RBPJ: variants seen among roughly 807,000 people sequenced by gnomAD.
The protein encoded by RBPJ is recombination signal binding protein for immunoglobulin kappa J region.
A neutral mutation model predicts 67.8 loss-of-function variants in RBPJ; 9 were observed. That is an observed-to-expected ratio of 0.13 (90% CI 0.08 to 0.23). RBPJ has a LOEUF of 0.23. Ranked by LOEUF, RBPJ falls within the 10% of genes least tolerant of loss-of-function variation. The pLI is 1.00. For synonymous variants in RBPJ, 198 were observed against 203.3 expected, an observed-to-expected ratio of 0.97 and a Z score of 0.22; for missense variants, 305 against 595.6, an observed-to-expected ratio of 0.51 and a Z score of 5.08.
At chr4:26,142,259 A>G in the RBPJ span, among the ~76,000 whole-genome samples, 3 of 152,196 alleles carry the variant, frequency 2.0e-5, no homozygotes, top group South Asian at 2.1e-4. Context: ...CAGAACACGG[A>G]GTCTCCCAGA....
chr4:26,106,345 C>T, the RBPJ span, among the ~76,000 whole-genome samples: 2 of 152,210 alleles, frequency 1.3e-5, no homozygotes, highest in South Asian at 4.1e-4. Context: ...CTCACTTCTG[C>T]TTCTGTTATT....
Position 26,399,501 on chromosome 4 carries a change from C to T in RBPJ, c.60-6674C>T, listed in dbSNP as rs78884194. Among the ~76,000 whole-genome samples, 711 of 148,432 alleles carry T rather than the reference C, an allele frequency of 4.8e-3. 4 individuals are homozygous for T. The highest frequency in any genetic ancestry group is 0.017 in the African/African-American group (680 of 40,868). ...TTCATGGATGTTTCACTGTAGTATT[C>T]TCTTTGTGGTATTTTTCTTTCCTTT... On this transcript the variant is annotated intron_variant, in intron 2 of 10. Coordinates refer to ENST00000355476, the MANE Select transcript of RBPJ (RefSeq NM_015874.6).
chr4:26,401,371 T>C (rs1276387831), intron 2 of RBPJ, among the ~76,000 whole-genome samples: 9 of 152,268 alleles, frequency 5.9e-5, no homozygotes, highest in Non-Finnish European at 1.2e-4. Context: ...CAGTATCATC[T>C]TGGGAAAGTT....
At chr4:26,109,579 C>CTCTCTATATA in the RBPJ span, among the ~76,000 whole-genome samples, 12 of 29,392 alleles carry the variant, frequency 4.1e-4, 3 homozygotes, top group African/African-American at 2.5e-3. Flanking sequence ...CTCTCTCTCT[C>CTCTCTATATA]TATATATATA....
At chr4:26,419,422 A>G (rs1734904256) in intron 4 of RBPJ, among the ~76,000 whole-genome samples, 1 of 152,214 alleles carries the variant, frequency 6.6e-6, no homozygotes, top group East Asian at 1.9e-4. Context: ...TTTCTTATAT[A>G]GCTTTGCTAT....
At chr4:26,375,288 CAAA>C (rs561305108) in intron 1 of RBPJ, among the ~76,000 whole-genome samples, 1,214 of 102,882 alleles carry the variant, frequency 0.012, 8 homozygotes, top group African/African-American at 0.03. Context: ...GACCCTGTCT[CAAA>C]AAAAAAAAAA....
chr4:26,136,598 T>G, the RBPJ span, among the ~76,000 whole-genome samples: 1 of 152,238 alleles, frequency 6.6e-6, no homozygotes, highest in Admixed American at 6.5e-5. Context: ...ACTGGCAGCA[T>G]CCTGGCAGTG....
intron 1 of RBPJ, among the ~76,000 whole-genome samples, chr4:26,212,869 G>A (rs1197700190): frequency 1.3e-5 from 2 of 151,954 alleles, no homozygotes; most frequent in African/African-American, 2.4e-5. Context: ...TTCCATAAAA[G>A]GCCCAAGAGG....
At chr4:26,410,294 T>G (rs1733893010) in intron 3 of RBPJ, 1 of 160,536 alleles carries the variant, frequency 6.2e-6, no homozygotes, top group African/African-American at 2.4e-5. Context: ...ATAACTCCAG[T>G]GAGTGATGCT....
chr4:26,242,320 C>T (rs951142539), intron 1 of RBPJ, among the ~76,000 whole-genome samples: 3 of 151,902 alleles, frequency 2.0e-5, no homozygotes, highest in South Asian at 2.1e-4. Context: ...TGGTGGCGGG[C>T]GCCTGTAGTC....
the RBPJ span, among the ~76,000 whole-genome samples, chr4:26,123,902 C>T: frequency 6.6e-6 from 1 of 151,968 alleles, no homozygotes; most frequent in African/African-American, 2.4e-5. Flanking sequence ...CCAGAAGTAC[C>T]TTCCTGAGGC....
rs368411712 is a variant in RBPJ at position 26,371,219 on chromosome 4, C to A, written c.21-15134C>A. On this transcript the variant is annotated intron_variant, in intron 1 of 10. Transcript: ENST00000355476. ...TTAATCATGTTAAATTGTAATTGATCTAAATAATAATGTAGTTTAATAGAT... is the reference window on the plus strand; with the variant it reads ...TTAATCATGTTAAATTGTAATTGATATAAATAATAATGTAGTTTAATAGAT... 1.1e-4 allele frequency among the ~76,000 whole-genome samples: 16 copies of A among 151,978 alleles called. No homozygotes were observed. In the East Asian group the frequency reaches 2.9e-3, roughly 27 times the overall value.
At chr4:26,349,143 C>G (rs1012632146) in intron 1 of RBPJ, among the ~76,000 whole-genome samples, 1 of 152,082 alleles carries the variant, frequency 6.6e-6, no homozygotes, top group Non-Finnish European at 1.5e-5. Context: ...TCACAGCTCA[C>G]TGCAGCCTTG....
At chr4:26,379,614 G>A (rs1247111484) in intron 1 of RBPJ, among the ~76,000 whole-genome samples, 1 of 152,062 alleles carries the variant, frequency 6.6e-6, no homozygotes, top group Admixed American at 6.5e-5. Context: ...CAGCATGGGG[G>A]AAACCTCCTC....
chr4:26,423,410 G>C (rs901796450), intron 5 of RBPJ, among the ~76,000 whole-genome samples: 2 of 152,142 alleles, frequency 1.3e-5, no homozygotes, highest in Non-Finnish European at 2.9e-5. Flanking sequence ...GACTGATGAC[G>C]GGGCTCAAGG....
intron 1 of RBPJ, among the ~76,000 whole-genome samples, chr4:26,220,678 G>A (rs1362055981): frequency 6.7e-6 from 1 of 149,396 alleles, no homozygotes; most frequent in Non-Finnish European, 1.5e-5. Flanking sequence ...AGGGCTAAGT[G>A]TCCATTATGT....
chr4:26,110,258 G>A, the RBPJ span, among the ~76,000 whole-genome samples: 1 of 151,974 alleles, frequency 6.6e-6, no homozygotes, highest in African/African-American at 2.4e-5. The surrounding 1 kb of genome is among the most constrained non-coding windows in gnomAD (Gnocchi z 4.5). Flanking sequence ...GGACCTTTGG[G>A]GTCCAGCATA....
intron 1 of RBPJ, among the ~76,000 whole-genome samples, chr4:26,245,752 G>A (rs899748355): frequency 7.2e-5 from 11 of 152,096 alleles, no homozygotes; most frequent in South Asian, 2.1e-4. Context: ...CTTGTGTGAC[G>A]TAGGGGTCCA....
intron 2 of RBPJ, among the ~76,000 whole-genome samples, chr4:26,400,694 A>G (rs1393620031): frequency 6.6e-6 from 1 of 152,200 alleles, no homozygotes; most frequent in Non-Finnish European, 1.5e-5. Context: ...CTTTTACAGG[A>G]CAACTATTGT....
Sources: allele counts gnomAD v4.1 joint callset (sites outside exome capture counted in the v4.1 genomes callset), GRCh38; gene constraint gnomAD v4.1.1; non-coding constraint Gnocchi (gnomAD v3.1); transcripts MANE v1.5; gene names NCBI Gene and HGNC (gene_info 2026-07-23, HGNC 2026-07-21).